SETD9: variants seen among roughly 807,000 people sequenced by gnomAD.
SETD9 encodes the protein SET domain-containing protein 9.
SETD9 carries 37 observed loss-of-function variants against 36.4 expected under a neutral mutation model. The ratio of observed to expected loss-of-function variants is 1.02; its 90% confidence interval spans 0.78 to 1.34. The LOEUF is 1.34. Ranked by LOEUF, SETD9 falls within the 40% of genes most tolerant of loss-of-function variation. The pLI is 0.00. For synonymous variants in SETD9, 128 were observed against 132.9 expected, an observed-to-expected ratio of 0.96 and a Z score of 0.26; for missense variants, 323 against 353.2, an observed-to-expected ratio of 0.91 and a Z score of 0.69.
intron 5 of SETD9, chr5:56,924,104 T>G: frequency 6.5e-7 from 1 of 1,545,170 alleles, no homozygotes; most frequent in Non-Finnish European, 8.8e-7. Context: ...AAGCAACTTT[T>G]CTTTTCCACA....
intron 5 of SETD9, among the ~76,000 whole-genome samples, chr5:56,915,408 A>T (rs1749375404): frequency 6.6e-6 from 1 of 152,208 alleles, no homozygotes; most frequent in Non-Finnish European, 1.5e-5. Context: ...CTAAATAAAA[A>T]AGGACTGTAT....
At chr5:56,927,153 G>A (rs918442496), downstream of SETD9, among the ~76,000 whole-genome samples, 1 of 152,078 alleles carries the variant, frequency 6.6e-6, no homozygotes, top group Non-Finnish European at 1.5e-5. Flanking sequence ...TACTCTGTAT[G>A]ATACTGTACT....
intron 2 of SETD9, among the ~76,000 whole-genome samples, chr5:56,911,928 A>G (rs537568482): frequency 6.6e-6 from 1 of 152,292 alleles, no homozygotes; most frequent in East Asian, 1.9e-4. Flanking sequence ...TGGGAGGCCG[A>G]GGCGGGCAGA....
At chr5:56,917,388 G>C, downstream of SETD9, 1 of 885,536 alleles carries the variant, frequency 1.1e-6, no homozygotes, top group South Asian at 5.2e-5. Context: ...GCTCTAGCTG[G>C]CTGAGGGGAA....
chr5:56,914,276 AATT>A (rs1471281991), intron 4 of SETD9, among the ~76,000 whole-genome samples: 2 of 152,174 alleles, frequency 1.3e-5, no homozygotes, highest in African/African-American at 4.8e-5. Context: ...TAAAAATAGA[AATT>A]ATTATGTCAG....
intron 2 of SETD9, chr5:56,912,196 A>C: frequency 1.0e-6 from 1 of 985,382 alleles, no homozygotes; most frequent in Non-Finnish European, 1.2e-6. Flanking sequence ...AAAACATAAA[A>C]GACAACATTT....
In SETD9 at chr5:56,916,847, G is replaced by C; in HGVS notation, c.845G>C (p.Arg282Thr). ...CGATGTGTTGTTCTTGTCGCACTTA[G>C]GGACATCAATCAAGGAGAAGAGCTT... ...PLRCVVLVALRDINQGEELFS... is the reference protein window; with the variant it reads ...PLRCVVLVALTDINQGEELFS... The change falls in exon 6 of 6, where the codon AGG becomes ACG. Residue 282 changes from arginine to threonine, a missense_variant. By Grantham distance (71) the Arg-to-Thr change is moderately conservative (BLOSUM62 -1). Transcript: ENST00000285947. 3 of 1,608,260 alleles carry C rather than the reference G, an allele frequency of 1.9e-6. No homozygotes were observed. Among genetic ancestry groups the C allele is most frequent in the Non-Finnish European group, 2.5e-6 (3 of 1,178,004 alleles).
At chr5:56,927,177 C>T (rs114067491), downstream of SETD9, among the ~76,000 whole-genome samples, 302 of 152,132 alleles carry the variant, frequency 2.0e-3, 1 homozygote, top group African/African-American at 6.5e-3. Flanking sequence ...GGATATGTAT[C>T]ATTATATATT....
chr5:56,924,076 A>C (rs1230084506), intron 5 of SETD9: 16 of 1,587,946 alleles, frequency 1.0e-5, no homozygotes, highest in Admixed American at 5.6e-5. Flanking sequence ...AAAAACCAAC[A>C]AACTCAACCA....
chr5:56,910,404 G>A (rs1749055091), intron 1 of SETD9: 1 of 1,303,538 alleles, frequency 7.7e-7, no homozygotes, highest in Non-Finnish European at 1.0e-6. Flanking sequence ...GGTGAGTCCC[G>A]CCGGCGTTAT....
intron 5 of SETD9, chr5:56,923,126 G>C (rs752251400): frequency 1.2e-6 from 2 of 1,611,450 alleles, no homozygotes; most frequent in South Asian, 2.2e-5. Flanking sequence ...TCCTCACTCA[G>C]GTCACTCAGA....
downstream of SETD9, chr5:56,917,367 A>C: frequency 1.0e-6 from 1 of 956,102 alleles, no homozygotes; most frequent in Non-Finnish European, 1.2e-6. Context: ...TCTATGTATA[A>C]TGTAAAGATT....
downstream of SETD9, among the ~76,000 whole-genome samples, chr5:56,927,184 T>C (rs1044795521): frequency 2.0e-5 from 3 of 152,172 alleles, no homozygotes. Flanking sequence ...TATCATTATA[T>C]ATTTGCCAAA....
rs1579818999 is a variant in SETD9, at chr5:56,916,984, C to G, written c.*82C>G. On this transcript the variant is annotated 3_prime_UTR_variant, in exon 6 of 6. Coordinates refer to ENST00000285947, the MANE Select transcript of SETD9 (RefSeq NM_153706.4). Reference sequence around the variant, plus strand: ...TTGTTAATCACTTCTCTGAGTTCTACCTGTAAAACAAATATTTTGAGACTT... The same window carrying G: ...TTGTTAATCACTTCTCTGAGTTCTAGCTGTAAAACAAATATTTTGAGACTT... 5 of 1,424,700 alleles carry G rather than the reference C, an allele frequency of 3.5e-6. No homozygotes were observed. The East Asian group carries it at 1.4e-4, about 39-fold the overall frequency. The allele number at this position is 1,424,700 out of a possible 1,614,324, so 88.3% of individuals were successfully genotyped here.
Position 56,911,405 on chromosome 5 carries a change from C to A in SETD9, c.335C>A (p.Pro112Gln). Residue 112 changes from proline to glutamine, a missense_variant, in exon 2 of 6, where the codon CCA (proline) becomes CAA (glutamine). Coordinates refer to ENST00000285947, the MANE Select transcript of SETD9 (RefSeq NM_153706.4). ...CATCAACAGCAAAGTACCTTTAAAC[C>A]AGAAGAAATTCTTTACAAGACTTTG... ...NRHQQQSTFKPEEILYKTLGF... is the reference protein window; with the variant it reads ...NRHQQQSTFKQEEILYKTLGF... 9 of 1,613,676 alleles carry A rather than the reference C, an allele frequency of 5.6e-6. No individual in the cohort carries two copies. Among genetic ancestry groups the A allele is most frequent in the Non-Finnish European group, 6.8e-6 (8 of 1,179,902 alleles).
At chr5:56,909,778 G>A in intron 1 of SETD9, 35 bp downstream of exon 1, 1 of 1,582,328 alleles carries the variant, frequency 6.3e-7, no homozygotes, top group Non-Finnish European at 8.6e-7. Context: ...AGGGGCACCT[G>A]CCTTCGGTTC....
At chr5:56,912,217 G>A (rs148560400) in intron 2 of SETD9, 1 of 984,800 alleles carries the variant, frequency 1.0e-6, no homozygotes, top group Admixed American at 6.2e-5. Context: ...AAACCCATAA[G>A]TCACCGAATG....
intron 5 of SETD9, 48 bp from the exon 6 acceptor site, chr5:56,916,767 G>A (rs750101099): frequency 1.9e-6 from 3 of 1,578,556 alleles, no homozygotes; most frequent in African/African-American, 1.4e-5. Context: ...AAAAATATGA[G>A]CTTATATTTG....
chr5:56,924,351 TCTTTA>T (rs761181050), intron 5 of SETD9, among the ~76,000 whole-genome samples: 1 of 152,170 alleles, frequency 6.6e-6, no homozygotes, highest in Non-Finnish European at 1.5e-5. Context: ...ACACTAGCAT[TCTTTA>T]CTTTTCTTTA....
Sources: gnomAD v4.1 joint callset for allele counts (sites outside exome capture counted in the v4.1 genomes callset) on GRCh38, gnomAD v4.1.1 for gene constraint, MANE v1.5 for transcripts, NCBI Gene and HGNC (gene_info 2026-07-23, HGNC 2026-07-21) for gene names.